Variants in LOC128125817 observed in about 807,000 individuals in gnomAD.
the LOC128125817 span, among the ~76,000 whole-genome samples, chr1:41,600,872 T>A: frequency 6.6e-6 from 1 of 152,188 alleles, no homozygotes; most frequent in Admixed American, 6.5e-5. Flanking sequence ...AGGTTTTACA[T>A]CCAAGTCTTT....
At chr1:41,618,501 G>C in the LOC128125817 span, among the ~76,000 whole-genome samples, 2 of 152,222 alleles carry the variant, frequency 1.3e-5, no homozygotes, top group African/African-American at 4.8e-5. Flanking sequence ...CCGAGGCCCA[G>C]TGCTCTGACA....
the LOC128125817 span, among the ~76,000 whole-genome samples, chr1:41,621,028 C>A: frequency 2.6e-5 from 4 of 152,212 alleles, no homozygotes; most frequent in Non-Finnish European, 4.4e-5. Context: ...TGACCCTGGG[C>A]AAGTCACTTG....
At chr1:41,605,659 G>A in the LOC128125817 span, among the ~76,000 whole-genome samples, 39 of 152,192 alleles carry the variant, frequency 2.6e-4, no homozygotes, top group East Asian at 5.8e-3. Flanking sequence ...GCTCACCAGC[G>A]TAGGCTTTAG....
the LOC128125817 span, among the ~76,000 whole-genome samples, chr1:41,625,786 C>A: frequency 6.6e-6 from 1 of 151,782 alleles, no homozygotes; most frequent in Admixed American, 6.6e-5. Flanking sequence ...TAGACTAAGT[C>A]TAAATGGCAA....
At chr1:41,615,509 C>T in the LOC128125817 span, among the ~76,000 whole-genome samples, 741 of 152,350 alleles carry the variant, frequency 4.9e-3, 2 homozygotes, top group African/African-American at 0.016. Context: ...AAGGGATTCG[C>T]GCAAGACCAC....
At chr1:41,613,391 C>T in the LOC128125817 span, among the ~76,000 whole-genome samples, 1 of 152,238 alleles carries the variant, frequency 6.6e-6, no homozygotes, top group African/African-American at 2.4e-5. Flanking sequence ...AATCTTTTCA[C>T]ATGCCCATCT....
At chr1:41,604,891 C>T in the LOC128125817 span, among the ~76,000 whole-genome samples, 1 of 151,782 alleles carries the variant, frequency 6.6e-6, no homozygotes, top group Admixed American at 6.6e-5. Flanking sequence ...ACTGCTTGAG[C>T]CCAGGAATTC....
At chr1:41,594,415 G>C in the LOC128125817 span, among the ~76,000 whole-genome samples, 4,296 of 152,026 alleles carry the variant, frequency 0.028, 198 homozygotes, top group African/African-American at 0.099. Flanking sequence ...TAGAGATGGG[G>C]TTTCACCATG....
At chr1:41,613,247 C>A in the LOC128125817 span, among the ~76,000 whole-genome samples, 5 of 152,386 alleles carry the variant, frequency 3.3e-5, no homozygotes, top group South Asian at 1.0e-3. Context: ...CAGGAACACA[C>A]CCCTGCCTTC....
chr1:41,598,805 T>TGTTA, the LOC128125817 span, among the ~76,000 whole-genome samples: 14 of 65,984 alleles, frequency 2.1e-4, no homozygotes, highest in South Asian at 7.6e-4. Context: ...AGTCACATGA[T>TGTTA]GTTATTTATT....
chr1:41,625,532 T>C, the LOC128125817 span, among the ~76,000 whole-genome samples: 1 of 152,196 alleles, frequency 6.6e-6, no homozygotes, highest in African/African-American at 2.4e-5. Context: ...GTGTCGCTAA[T>C]AACATAATAA....
chr1:41,628,717 A>C, the LOC128125817 span: 6 of 1,225,180 alleles, frequency 4.9e-6, no homozygotes, highest in South Asian at 2.5e-4. Flanking sequence ...GGCGCCTGGC[A>C]AGCATATTCA....
the LOC128125817 span, among the ~76,000 whole-genome samples, chr1:41,597,483 T>C: frequency 2.6e-5 from 4 of 152,234 alleles, no homozygotes; most frequent in Non-Finnish European, 4.4e-5. Flanking sequence ...CTTAGTATGT[T>C]ACGCAAATTC....
At chr1:41,594,305 C>T in the LOC128125817 span, among the ~76,000 whole-genome samples, 1 of 152,180 alleles carries the variant, frequency 6.6e-6, no homozygotes, top group Non-Finnish European at 1.5e-5. Flanking sequence ...TCATTCCAAC[C>T]TCTGCCTCCT....
the LOC128125817 span, among the ~76,000 whole-genome samples, chr1:41,617,424 C>A: frequency 2.6e-5 from 4 of 152,188 alleles, no homozygotes; most frequent in Admixed American, 2.0e-4. Context: ...CATCTCTGAC[C>A]CTTTTTCTCC....
the LOC128125817 span, among the ~76,000 whole-genome samples, chr1:41,621,245 C>T: frequency 2.0e-5 from 3 of 152,226 alleles, no homozygotes; most frequent in Non-Finnish European, 2.9e-5. Flanking sequence ...CTCCTGGCCC[C>T]CAGTATGGGA....
the LOC128125817 span, among the ~76,000 whole-genome samples, chr1:41,599,725 T>C: frequency 1.3e-5 from 2 of 152,130 alleles, no homozygotes; most frequent in South Asian, 2.1e-4. Flanking sequence ...TACAAATAGA[T>C]AAATTGCCTA....
At chr1:41,597,708 C>T in the LOC128125817 span, among the ~76,000 whole-genome samples, 11 of 152,210 alleles carry the variant, frequency 7.2e-5, no homozygotes, top group East Asian at 7.7e-4. Flanking sequence ...ACAGTCCTGA[C>T]ACTGCAGGTA....
chr1:41,607,898 A>G, the LOC128125817 span, among the ~76,000 whole-genome samples: 2 of 152,134 alleles, frequency 1.3e-5, no homozygotes, highest in Non-Finnish European at 2.9e-5. Flanking sequence ...CATGACTTCC[A>G]TCTCCCACCA....
Sources: allele counts gnomAD v4.1 joint callset (sites outside exome capture counted in the v4.1 genomes callset), GRCh38; gene constraint gnomAD v4.1.1; transcripts MANE v1.5.